The following GSTO2 variants were observed in gnomAD, a reference collection of about 807,000 sequenced individuals.
GSTO2 encodes the protein glutathione S-transferase omega 2.
GSTO2 carries 23 observed loss-of-function variants against 28.4 expected under a neutral mutation model. That is an observed-to-expected ratio of 0.81 (90% CI 0.58 to 1.15). GSTO2 has a LOEUF of 1.15. Ranked by LOEUF, GSTO2 falls within the 50% of genes most tolerant of loss-of-function variation. The probability of loss-of-function intolerance (pLI) is 0.00; values close to 1 mark genes in which losing one functional copy is unlikely to be tolerated. For synonymous variants in GSTO2, 109 were observed against 111.0 expected, an observed-to-expected ratio of 0.98 and a Z score of 0.11; for missense variants, 298 against 297.8, an observed-to-expected ratio of 1.00 and a Z score of 0.00.
chr10:104,296,606 C>T (rs1391824992), intron 5 of GSTO2: 2 of 117,428 alleles, frequency 1.7e-5, no homozygotes, highest in Non-Finnish European at 3.3e-5. Flanking sequence ...CAGAGCAAGA[C>T]CCTATCTAAA....
intron 2 of GSTO2, 110 bp from the exon 3 acceptor site, chr10:104,275,116 G>T: frequency 1.3e-6 from 2 of 1,516,222 alleles, no homozygotes; most frequent in South Asian, 1.3e-5. Flanking sequence ...TGGGACTTGG[G>T]AGTTGGAGCT....
rs1043709770 is a variant in GSTO2 at position 104,301,140 on chromosome 10, C to G, written c.*1856C>G. The G allele has an allele frequency of 1.3e-5, 2 of 152,252 alleles. No homozygotes were observed. The highest frequency in any genetic ancestry group is 4.8e-5 in the African/African-American group (2 of 41,452). The allele number at this position is 152,252 out of a possible 1,614,324, so 9.4% of individuals were successfully genotyped here. A position where few individuals can be genotyped will look rare whatever the true frequency, so the allele number is the denominator to read the frequency against. On this transcript the variant is annotated 3_prime_UTR_variant, in exon 7 of 7. Transcript: ENST00000338595. ...AGAAGAGGGGAATCTTCTCCTGTGGCCTCTCATAGGACTTAGGAGATTGAT... is the reference window on the plus strand; with the variant it reads ...AGAAGAGGGGAATCTTCTCCTGTGGGCTCTCATAGGACTTAGGAGATTGAT...
rs146285264 is a variant in GSTO2 at position 104,297,659 on chromosome 10, C to T, written c.550C>T (p.Arg184Trp). 1.2e-5 allele frequency: 19 copies of T among 1,612,794 alleles called. No homozygotes were observed. Among genetic ancestry groups the T allele is most frequent in the East Asian group, 4.5e-5 (2 of 44,864 alleles). ...TTACCTCCTCTGGCCCTGGTTTGAG[C>T]GGCTGGATGTGTATGGGATACTGGA... ...IDYLLWPWFE[R>W]LDVYGILDCV... The change falls in exon 6 of 7, where the codon CGG (arginine) becomes TGG (tryptophan). Residue 184 changes from arginine to tryptophan, a missense_variant. Arg to Trp is a moderately radical substitution (Grantham distance 101). Transcript: ENST00000338595.
At chr10:104,269,930 CA>C (rs1319627014) in intron 1 of GSTO2, among the ~76,000 whole-genome samples, 1 of 152,042 alleles carries the variant, frequency 6.6e-6, no homozygotes, top group African/African-American at 2.4e-5. Context: ...TGAACTCTTA[CA>C]GTAAGACCGT....
intron 4 of GSTO2, 24 bp from the exon 5 acceptor site, chr10:104,279,346 T>G: frequency 6.3e-7 from 1 of 1,588,012 alleles, no homozygotes; most frequent in Non-Finnish European, 8.6e-7. Flanking sequence ...ACTTCTCCAC[T>G]GAGAACCTGT....
At chr10:104,277,741 T>C (rs2011723420) in intron 3 of GSTO2, among the ~76,000 whole-genome samples, 153 bp from the exon 4 acceptor site, 1 of 152,218 alleles carries the variant, frequency 6.6e-6, no homozygotes, top group African/African-American at 2.4e-5. Context: ...GGAAGGAAGA[T>C]GATGATGTTA....
At chr10:104,292,851 A>T (rs2135136930) in intron 5 of GSTO2, among the ~76,000 whole-genome samples, 1 of 152,320 alleles carries the variant, frequency 6.6e-6, no homozygotes, top group South Asian at 2.1e-4. Context: ...TGCTAAGTGG[A>T]TCTAGATCTA....
At chr10:104,286,385 A>G (rs1404927687) in intron 5 of GSTO2, among the ~76,000 whole-genome samples, 2 of 152,244 alleles carry the variant, frequency 1.3e-5, no homozygotes, top group Admixed American at 6.5e-5. Flanking sequence ...CTATTTTCAC[A>G]TACCATAATG....
intron 5 of GSTO2, 63 bp from the exon 6 acceptor site, chr10:104,297,515 G>A: frequency 1.0e-6 from 1 of 998,010 alleles, no homozygotes; most frequent in South Asian, 1.4e-5. Flanking sequence ...TTTACATTTA[G>A]TGTCTATAAA....
At chr10:104,298,072 G>T (rs1185894599) in intron 6 of GSTO2, among the ~76,000 whole-genome samples, 1 of 152,146 alleles carries the variant, frequency 6.6e-6, no homozygotes, top group East Asian at 1.9e-4. Flanking sequence ...ATGTCTCATT[G>T]CCCGGAGGAA....
intron 4 of GSTO2, among the ~76,000 whole-genome samples, chr10:104,278,497 T>C (rs1300356728): frequency 6.6e-6 from 1 of 152,256 alleles, no homozygotes; most frequent in African/African-American, 2.4e-5. Context: ...TTATTTTTTT[T>C]TTGAGACGGA....
intron 4 of GSTO2, among the ~76,000 whole-genome samples, chr10:104,278,855 GATA>G (rs1414051792): frequency 7.2e-5 from 11 of 152,150 alleles, no homozygotes; most frequent in Non-Finnish European, 1.5e-5. Flanking sequence ...TGGCAGCTTT[GATA>G]ATGAAAGAAA....
chr10:104,275,243 C>T lies in GSTO2; in HGVS notation c.52C>T (p.Pro18Ser), dbSNP rs753272891. Residue 18 changes from proline (P) to serine (S), a missense_variant, in exon 3 of 7, where the codon CCA becomes TCA. Transcript: ENST00000338595. ...CTCTGCAGGAAGCCAGCCCCCAGGG[C>T]CAGTCCCGGAGGGGCTGATCCGCAT... The part of the protein sequence containing the change: ...TLGKGSQPPG[P>S]VPEGLIRIYS... 1.2e-6 allele frequency: 2 copies of T among 1,613,716 alleles called. No homozygotes were observed. Among genetic ancestry groups the T allele is most frequent in the South Asian group, 2.2e-5 (2 of 91,054 alleles).
At chr10:104,290,235 G>A (rs1422190080) in intron 5 of GSTO2, among the ~76,000 whole-genome samples, 2 of 152,214 alleles carry the variant, frequency 1.3e-5, no homozygotes, top group Non-Finnish European at 2.9e-5. Context: ...GCCGGGTGTG[G>A]TGGCTCACTC....
At chr10:104,285,712 C>T (rs192023032) in intron 5 of GSTO2, among the ~76,000 whole-genome samples, 2 of 152,256 alleles carry the variant, frequency 1.3e-5, no homozygotes, top group Admixed American at 6.5e-5. Context: ...AAGTGATTCT[C>T]CCACTTCAGC....
intron 5 of GSTO2, among the ~76,000 whole-genome samples, chr10:104,282,553 C>CAAAA (rs10715615): frequency 9.7e-6 from 1 of 102,850 alleles, no homozygotes; most frequent in Admixed American, 1.0e-4. Context: ...AACCCTATCT[C>CAAAA]AAAAAAAAAA....
chr10:104,297,914 C>T (rs751183820), intron 6 of GSTO2, among the ~76,000 whole-genome samples: 22 of 152,170 alleles, frequency 1.4e-4, no homozygotes, highest in Admixed American at 1.2e-3. Flanking sequence ...GCCCAGGAGC[C>T]TCCCGCAGAC....
intron 1 of GSTO2, among the ~76,000 whole-genome samples, chr10:104,270,603 G>T (rs1471115122): frequency 6.6e-6 from 1 of 152,098 alleles, no homozygotes; most frequent in Non-Finnish European, 1.5e-5. Context: ...TTCCCAATTG[G>T]GAATATGAAA....
At chr10:104,291,458 A>G (rs1200855326) in intron 5 of GSTO2, 1 of 151,870 alleles carries the variant, frequency 6.6e-6, no homozygotes, top group Non-Finnish European at 1.5e-5. Context: ...GCTTCTCCTA[A>G]TGATCTTGCT....
Sources: allele counts gnomAD v4.1 joint callset (sites outside exome capture counted in the v4.1 genomes callset), GRCh38; gene constraint gnomAD v4.1.1; transcripts MANE v1.5; gene names NCBI Gene and HGNC (gene_info 2026-07-23, HGNC 2026-07-21).